The following ST7L variants were observed in gnomAD, a reference collection of about 807,000 sequenced individuals.
ST7L encodes the protein suppressor of tumorigenicity 7 protein-like.
A neutral mutation model predicts 72.5 loss-of-function variants in ST7L; 57 were observed. That is an observed-to-expected ratio of 0.79 (90% CI 0.64 to 0.98). The LOEUF is 0.98. ST7L is among the 50% of genes least tolerant of loss of function. The pLI is 0.00. For missense variants in ST7L, 576 were observed against 672.2 expected (o/e 0.86, Z 1.58); for synonymous variants, 221 against 240.9 (o/e 0.92, Z 0.77).
rs530893587 is a variant in ST7L, at chr1:112,618,487, T to G, written c.205+422A>C. ...TTCTCTGAAATCTTTAAATTACAGA[T>G]GTGCTCATCTTTGTTGCCTGGATAT... On this transcript the variant is annotated intron_variant, in intron 1 of 14. Coordinates refer to ENST00000358039, the MANE Select transcript of ST7L (RefSeq NM_017744.5). The G allele has an allele frequency of 2.1e-4, 44 of 204,652 alleles. 1 individual carries two copies. Among genetic ancestry groups the G allele is most frequent in the Non-Finnish European group, 3.8e-4 (41 of 106,840 alleles). The allele number at this position is 204,652 out of a possible 1,614,324, so 12.7% of individuals were successfully genotyped here.
chr1:112,598,139 T>C, intron 4 of ST7L, 53 bp from the exon 5 acceptor site: 1 of 1,313,630 alleles, frequency 7.6e-7, no homozygotes, highest in Non-Finnish European at 1.1e-6. Context: ...AGCATCTATC[T>C]GCTATAACAG....
At chr1:112,550,568 T>A (rs1338286943) in intron 13 of ST7L, 33 bp downstream of exon 13, 2 of 1,501,592 alleles carry the variant, frequency 1.3e-6, no homozygotes, top group Admixed American at 3.4e-5. Context: ...ACTTACTACT[T>A]TTAAGTTTAA....
chr1:112,580,859 C>A (rs185673811), intron 9 of ST7L, among the ~76,000 whole-genome samples: 2 of 152,174 alleles, frequency 1.3e-5, no homozygotes, highest in African/African-American at 2.4e-5. Context: ...ACCTGGGAAG[C>A]GGAGCTTGCA....
chr1:112,615,580 C>T (rs113486457), intron 2 of ST7L, among the ~76,000 whole-genome samples: 2 of 152,078 alleles, frequency 1.3e-5, no homozygotes, highest in Non-Finnish European at 2.9e-5. Context: ...GAGGCTGAGA[C>T]GGGAGGATGG....
chr1:112,538,106 A>G (rs963825085), intron 14 of ST7L, among the ~76,000 whole-genome samples: 6 of 152,250 alleles, frequency 3.9e-5, no homozygotes, highest in African/African-American at 7.2e-5. Context: ...CAATAAAGAA[A>G]TTTAGGAAAT....
In ST7L at chr1:112,584,032, T is replaced by A; in HGVS notation, c.796A>T (p.Thr266Ser). 6.2e-7 allele frequency: 1 copy of A among 1,614,214 alleles called. No individual in the cohort carries two copies. Among genetic ancestry groups the A allele is most frequent in the Non-Finnish European group, 8.5e-7 (1 of 1,180,042 alleles). The change falls in exon 7 of 15, where the codon ACA becomes TCA. Residue 266 changes from threonine to serine, a missense_variant. Thr to Ser is a moderately conservative substitution (Grantham distance 58, BLOSUM62 1). Around this residue, in one of 3 missense-constraint regions of ST7L, gnomAD observed 511 missense variants for 600.7 expected, o/e 0.85. Coordinates refer to ENST00000358039, the MANE Select transcript of ST7L (RefSeq NM_017744.5). ...LFKQALKAGETIYRQSQQCQH... is the reference protein window; with the variant it reads ...LFKQALKAGESIYRQSQQCQH... ...CACTGCTGTGACTGCCTATAAATTG[T>A]TTCTCCTGCCTTGAGTGCCTGTTTA...
At chr1:112,571,401 ATATCTATC>A (rs929725142) in intron 11 of ST7L, 1 of 431,826 alleles carries the variant, frequency 2.3e-6, no homozygotes, top group Non-Finnish European at 4.6e-6. Context: ...GTGTGTATGT[ATATCTATC>A]TATCTATATA....
chr1:112,611,968 T>TAAAA (rs1669130697), intron 2 of ST7L, among the ~76,000 whole-genome samples: 1 of 46,898 alleles, frequency 2.1e-5, no homozygotes, highest in Admixed American at 2.9e-4. Context: ...AGACCCTGTC[T>TAAAA]CAAAAAAAAA....
intron 11 of ST7L, among the ~76,000 whole-genome samples, chr1:112,574,503 C>CA (rs1254890021): frequency 6.6e-6 from 1 of 151,094 alleles, no homozygotes; most frequent in Non-Finnish European, 1.5e-5. Flanking sequence ...ACTAAAAATA[C>CA]AAAAAATTAG....
Position 112,610,934 on chromosome 1 carries a change from G to A in ST7L, c.358C>T (p.Gln120Ter). The change falls in exon 3 of 15, where the codon CAA becomes TAA. Residue 120 changes from glutamine to a stop codon, truncating the protein, a stop_gained. Coordinates refer to ENST00000358039, the MANE Select transcript of ST7L (RefSeq NM_017744.5). LOFTEE classifies it high-confidence loss of function. Reference sequence around the variant, plus strand: ...CTCTCTGTTCCTCCCATCAGTGGTTGCAAATGGCTTACAGATACTTGCTCA... The same window carrying A: ...CTCTCTGTTCCTCCCATCAGTGGTTACAAATGGCTTACAGATACTTGCTCA... ...FIEQVSVSHL[Q>*]PLMGGTESSI... 2 of 1,614,206 alleles carry A rather than the reference G, an allele frequency of 1.2e-6. No homozygotes were observed. The highest frequency in any genetic ancestry group is 2.2e-5 in the South Asian group (2 of 91,084).
intron 12 of ST7L, among the ~76,000 whole-genome samples, chr1:112,553,400 T>C (rs1658571079): frequency 6.6e-6 from 1 of 152,188 alleles, no homozygotes; most frequent in Non-Finnish European, 1.5e-5. Flanking sequence ...ATTTACATTG[T>C]CATTGTCAAG....
At chr1:112,520,724 TG>T, downstream of ST7L, 1 of 592,896 alleles carries the variant, frequency 1.7e-6, no homozygotes, top group Non-Finnish European at 3.0e-6. Context: ...GCAAGCTCCC[TG>T]ATTTCCCGCT....
At chr1:112,597,885 C>T in intron 5 of ST7L, 86 bp downstream of exon 5, 1 of 910,752 alleles carries the variant, frequency 1.1e-6, no homozygotes, top group Non-Finnish European at 1.6e-6. Context: ...CTAAATAACT[C>T]TGTATATTAT....
intron 12 of ST7L, among the ~76,000 whole-genome samples, chr1:112,551,136 A>ATTTTTTT (rs1658060983): frequency 2.5e-5 from 3 of 119,742 alleles, no homozygotes; most frequent in African/African-American, 1.1e-4. Flanking sequence ...CTATGAGCAG[A>ATTTTTTT]TCTTTTTTTT....
intron 14 of ST7L, chr1:112,541,649 A>T (rs537693562): frequency 7.3e-6 from 3 of 410,418 alleles, no homozygotes; most frequent in South Asian, 2.2e-4. Context: ...GGGTATTTTT[A>T]AAAATACCAA....
chr1:112,539,975 T>G, intron 14 of ST7L: 5 of 985,398 alleles, frequency 5.1e-6, no homozygotes, highest in Non-Finnish European at 4.8e-6. Context: ...TAACTTTTGG[T>G]CTGAAAAAGA....
At chr1:112,613,634 G>T (rs1669405901) in intron 2 of ST7L, among the ~76,000 whole-genome samples, 1 of 152,130 alleles carries the variant, frequency 6.6e-6, no homozygotes, top group South Asian at 2.1e-4. Flanking sequence ...TAATAATACA[G>T]TTTAACCTTT....
intron 11 of ST7L, among the ~76,000 whole-genome samples, chr1:112,569,773 A>G (rs138672433): frequency 0.02 from 3,058 of 152,272 alleles, 105 homozygotes; most frequent in African/African-American, 0.069. Context: ...CCTGGCTAAC[A>G]TGGTGAAACC....
rs748074418 is a variant in ST7L, at chr1:112,619,084, G to A, written c.30C>T (p.Ala10=). The change falls in exon 1 of 15, where the codon GCC becomes GCT. Residue 10 remains alanine, a synonymous_variant. Transcript: ENST00000358039. The part of the protein sequence containing the change: MADRGGVGE[A]AAVGASPASV... Reference sequence around the variant, plus strand: ...ATGCAGGAGACGCTCCAACAGCTGCGGCTTCACCCACGCCGCCACGGTCCG... The same window carrying A: ...ATGCAGGAGACGCTCCAACAGCTGCAGCTTCACCCACGCCGCCACGGTCCG... 6 of 1,613,406 alleles carry A rather than the reference G, an allele frequency of 3.7e-6. No homozygotes were observed. The highest frequency in any genetic ancestry group is 1.1e-5 in the South Asian group (1 of 91,070).
Sources: gnomAD v4.1 joint callset for allele counts (sites outside exome capture counted in the v4.1 genomes callset) on GRCh38, gnomAD v4.1.1 for gene constraint, gnomAD v4.1.1 regional missense constraint, MANE v1.5 for transcripts, NCBI Gene and HGNC (gene_info 2026-07-23, HGNC 2026-07-21) for gene names.